The following P4HA3 variants were observed in gnomAD, a reference collection of about 807,000 sequenced individuals.
P4HA3 encodes prolyl 4-hydroxylase subunit alpha-3.
A neutral mutation model predicts 66.7 loss-of-function variants in P4HA3; 60 were observed. The observed-to-expected ratio is 0.90, with a 90% CI of 0.73 to 1.12. The LOEUF is 1.12. P4HA3 is among the 50% of genes most tolerant of loss of function. P4HA3 has a pLI of 0.00. For missense variants in P4HA3, 683 were observed against 685.8 expected (o/e 1.00, Z 0.05); for synonymous variants, 263 against 274.6 (o/e 0.96, Z 0.42).
At chr11:74,282,824 A>C (rs758668128) in intron 7 of P4HA3, among the ~76,000 whole-genome samples, 1 of 152,204 alleles carries the variant, frequency 6.6e-6, no homozygotes, top group Non-Finnish European at 1.5e-5. Context: ...TTAAGTACCA[A>C]ACAACCAGTG....
At position 74,296,366 on chromosome 11, in the gene P4HA3, T is replaced by G. The variant is rs188274574; in HGVS notation, c.717+1846A>C. On this transcript the variant is annotated intron_variant, in intron 4 of 12. Coordinates refer to ENST00000331597, the MANE Select transcript of P4HA3 (RefSeq NM_182904.5). ...CATTATTAGCAGTTATTAAAATTTT[T>G]TTTACTAAAATATATAATGAAATAA... is the stretch of plus-strand genomic sequence containing the variant. 3.1e-3 allele frequency among the ~76,000 whole-genome samples: 479 copies of G among 152,328 alleles called. 3 individuals carry two copies. In the Middle Eastern group the frequency reaches 0.034, roughly 11 times the overall value.
At chr11:74,250,842 G>C (rs1237240930) in intron 15 of P4HA3, 2 of 829,078 alleles carry the variant, frequency 2.4e-6, no homozygotes, top group Non-Finnish European at 4.0e-6. Context: ...AGAGTATTGA[G>C]GTGAGGTTGG....
intron 3 of P4HA3, among the ~76,000 whole-genome samples, chr11:74,299,381 G>A (rs952183377): frequency 6.6e-6 from 1 of 152,148 alleles, no homozygotes; most frequent in Non-Finnish European, 1.5e-5. Flanking sequence ...AAATCCTAGA[G>A]ATATTGCAAT....
Position 74,267,028 on chromosome 11 carries a change from G to A in P4HA3, c.*220C>T. The A allele has an allele frequency of 6.5e-7, 1 of 1,531,776 alleles. No homozygotes were observed. Among genetic ancestry groups the A allele is most frequent in the African/African-American group, 1.4e-5 (1 of 73,116 alleles). The allele number at this position is 1,531,776 out of a possible 1,614,324, so 94.9% of individuals were successfully genotyped here. A position where few individuals can be genotyped will look rare whatever the true frequency, so the allele number is the denominator to read the frequency against. The stretch of plus-strand genomic sequence containing the variant: ...TCCACTCCCCCCTCCTTTGTACTGT[G>A]CATCCTACTCTGACTTCCGTGGCTG... On this transcript the variant is annotated 3_prime_UTR_variant, in exon 13 of 13. Coordinates refer to ENST00000331597, the MANE Select transcript of P4HA3 (RefSeq NM_182904.5).
intron 15 of P4HA3, chr11:74,255,917 C>G (rs771773019): frequency 9.7e-6 from 5 of 516,178 alleles, no homozygotes; most frequent in African/African-American, 9.6e-5. Context: ...TTTCTCTCAC[C>G]GGAACACTTT....
chr11:74,252,697 G>A (rs749526590), intron 15 of P4HA3: 8 of 342,040 alleles, frequency 2.3e-5, no homozygotes, highest in South Asian at 1.4e-4. Flanking sequence ...TCCCACACAC[G>A]GTTTTGACAA....
At chr11:74,278,558 T>A (rs559166987) in intron 8 of P4HA3, among the ~76,000 whole-genome samples, 1 of 152,222 alleles carries the variant, frequency 6.6e-6, no homozygotes, top group Admixed American at 6.5e-5. Flanking sequence ...TAGTTTCTTG[T>A]TCGGAAAAGG....
chr11:74,281,393 C>T (rs375999236), intron 7 of P4HA3, among the ~76,000 whole-genome samples: 2 of 152,124 alleles, frequency 1.3e-5, no homozygotes, highest in African/African-American at 2.4e-5. Context: ...CAAAGGACTA[C>T]AAATCATGCT....
chr11:74,289,220 T>TA lies in P4HA3; in HGVS notation c.718-91dup, dbSNP rs1860918548. The TA allele has an allele frequency of 3.4e-6, 3 of 881,216 alleles. No homozygotes were observed. In the South Asian group the frequency reaches 9.3e-5, roughly 27 times the overall value. 54.6% of individuals were successfully genotyped at this position (881,216 alleles called of 1,614,324 possible). On this transcript the variant is annotated intron_variant, in intron 4 of 12. Coordinates refer to ENST00000331597, the MANE Select transcript of P4HA3 (RefSeq NM_182904.5). The stretch of plus-strand genomic sequence containing the variant: ...CCATTAAATTAAAAAAAAAAAAAGA[T>TA]AAAATATTCTTACCATAAGTAGATA...
intron 15 of P4HA3, chr11:74,256,080 C>T (rs886162010): frequency 6.6e-5 from 27 of 410,626 alleles, no homozygotes; most frequent in South Asian, 3.4e-4. Flanking sequence ...TTCACAGCAA[C>T]TCTATGAGGT....
intron 10 of P4HA3, among the ~76,000 whole-genome samples, chr11:74,273,126 C>A (rs1340587336): frequency 1.3e-5 from 2 of 152,196 alleles, no homozygotes; most frequent in Non-Finnish European, 2.9e-5. Context: ...TCTGCTGCCT[C>A]ATTCCTCATC....
chr11:74,250,861 A>G (rs1859639942), intron 15 of P4HA3: 1 of 1,034,100 alleles, frequency 9.7e-7, no homozygotes, highest in Admixed American at 2.0e-5. Flanking sequence ...GGAAATGGGG[A>G]GGTAGGTCCT....
chr11:74,302,937 C>T (rs1035442502), intron 2 of P4HA3, among the ~76,000 whole-genome samples: 2 of 149,032 alleles, frequency 1.3e-5, no homozygotes, highest in East Asian at 2.0e-4. Flanking sequence ...CTCTTCTCTC[C>T]TCTTTTCTTT....
Position 74,309,341 on chromosome 11 carries a change from G to A in P4HA3, c.200+2071C>T, listed in dbSNP as rs188817412. On this transcript the variant is annotated intron_variant, in intron 1 of 12. Coordinates refer to ENST00000331597, the MANE Select transcript of P4HA3 (RefSeq NM_182904.5). ...GTATGAGACCTCCTGCTGTGACAAA[G>A]TTGTGATAATGACAGTGGTGGAAAG... Among the ~76,000 whole-genome samples the A allele has an allele frequency of 4.5e-3, 681 of 152,328 alleles. 3 individuals are homozygous for A. The highest frequency in any genetic ancestry group is 7.8e-3 in the Non-Finnish European group (528 of 68,038).
chr11:74,253,729 T>C, intron 15 of P4HA3: 1 of 609,866 alleles, frequency 1.6e-6, no homozygotes, highest in Non-Finnish European at 2.9e-6. Flanking sequence ...AGTCCAGGGC[T>C]CCCCTGCTCC....
intron 11 of P4HA3, among the ~76,000 whole-genome samples, chr11:74,269,192 C>T (rs1055324744): frequency 6.6e-6 from 1 of 152,156 alleles, no homozygotes; most frequent in Admixed American, 6.5e-5. Flanking sequence ...TTCTCCTCAG[C>T]GCCTATCCTT....
chr11:74,252,313 C>G, intron 15 of P4HA3: 1 of 357,494 alleles, frequency 2.8e-6, no homozygotes, highest in Non-Finnish European at 5.7e-6. Context: ...GTCTTGAACT[C>G]CTGGCCTCAA....
At chr11:74,263,974 C>A (rs1265025790), downstream of P4HA3, among the ~76,000 whole-genome samples, 1 of 152,192 alleles carries the variant, frequency 6.6e-6, no homozygotes, top group Non-Finnish European at 1.5e-5. Context: ...CCACAGTTGA[C>A]CCTACTTAGA....
rs759944576 is a variant in P4HA3, at chr11:74,277,094, C to G, written c.1226G>C (p.Arg409Pro). The change falls in exon 9 of 13, where the codon CGC becomes CCC. Residue 409 changes from arginine (R) to proline (P), a missense_variant. Transcript: ENST00000331597. ...ATCAAGGCCTGTGAGGGCAGCAATG[C>G]GGTGGTTGAGGGTCACCAGTTTTGG... Reference protein sequence around the residue: ...VDPKLVTLNHRIAALTGLDVR... With the variant: ...VDPKLVTLNHPIAALTGLDVR... The G allele has an allele frequency of 6.2e-7, 1 of 1,614,086 alleles. No individual in the cohort carries two copies. Among genetic ancestry groups the G allele is most frequent in the Admixed American group, 1.7e-5 (1 of 60,006 alleles).
Sources: allele counts gnomAD v4.1 joint callset (sites outside exome capture counted in the v4.1 genomes callset), GRCh38; gene constraint gnomAD v4.1.1; transcripts MANE v1.5; gene names NCBI Gene and HGNC (gene_info 2026-07-23, HGNC 2026-07-21).